Variants in ALOX15B observed in about 807,000 individuals in gnomAD.
The protein encoded by ALOX15B is polyunsaturated fatty acid lipoxygenase ALOX15B.
In ALOX15B, 74 loss-of-function variants were observed where a neutral mutation model predicts 73.8. The ratio of observed to expected loss-of-function variants is 1.00; its 90% confidence interval spans 0.83 to 1.22. The LOEUF is 1.22. Among genes scored for constraint, ALOX15B ranks in the 50% most tolerant of loss-of-function variants. The pLI is 0.00. For missense variants in ALOX15B, 896 were observed against 859.9 expected, an observed-to-expected ratio of 1.04 and a Z score of -0.52; for synonymous variants, 353 against 357.2, an observed-to-expected ratio of 0.99 and a Z score of 0.13.
In ALOX15B at chr17:8,045,614, C is replaced by T. The variant is rs573725507; in HGVS notation, c.1128C>T (p.His376=). 14 of 1,614,234 alleles carry T rather than the reference C, an allele frequency of 8.7e-6. No individual in the cohort carries two copies. Among genetic ancestry groups the T allele is most frequent in the African/African-American group, 1.3e-5 (1 of 75,056 alleles). Residue 376 remains histidine, a synonymous_variant, in exon 8 of 14, where the codon CAC becomes CAT. Coordinates refer to ENST00000380183, the MANE Select transcript of ALOX15B (RefSeq NM_001141.3). ...SFHEALTHLL[H]SHLLPEVFTL... The stretch of plus-strand genomic sequence containing the variant: ...ATGAGGCCCTCACGCACCTGCTGCA[C>T]TCACATCTGCTGCCTGAGGTCTTCA...
At position 8,039,592 on chromosome 17, in the gene ALOX15B, G is replaced by C. The variant is rs1266756171; in HGVS notation, c.354G>C (p.Leu118=). The C allele has an allele frequency of 1.3e-6, 2 of 1,517,976 alleles. No homozygotes were observed. Among genetic ancestry groups the C allele is most frequent in the African/African-American group, 2.8e-5 (2 of 72,462 alleles). 94.0% of individuals were successfully genotyped at this position (1,517,976 alleles called of 1,614,324 possible). Residue 118 remains leucine (L), a synonymous_variant, in exon 2 of 14, where the codon CTG becomes CTC. Transcript: ENST00000380183. ...QWLEGAGTLV[L]QEGTAKVSWA... ...TGGAGGGGGCGGGGACCCTGGTGCT[G>C]CAGGAGGGTACAGGTGAGGGGCGGG...
intron 6 of ALOX15B, 70 bp downstream of exon 6, chr17:8,045,071 G>T: frequency 6.3e-7 from 1 of 1,595,750 alleles, no homozygotes; most frequent in South Asian, 1.1e-5. Context: ...CCCTACTGGA[G>T]ACAGAGGGGC....
intron 3 of ALOX15B, 126 bp downstream of exon 3, chr17:8,040,109 C>G: frequency 1.2e-6 from 1 of 861,370 alleles, no homozygotes; most frequent in Non-Finnish European, 1.8e-6. Context: ...CTCCTGGGAT[C>G]AGCAGCGTCT....
rs755171197 is a variant in ALOX15B, at chr17:8,046,793, C to G, written c.1287+39C>G. 1.1e-5 allele frequency: 18 copies of G among 1,612,684 alleles called. No individual in the cohort carries two copies. The East Asian group carries it at 4.0e-4, about 36-fold the overall frequency. ...TGGGGAGGGAGTAGGCAGGCCACTC[C>G]TTCAATGTGACGAATTTGAGGTCCT... On this transcript the variant is annotated intron_variant, in intron 9 of 13. Transcript: ENST00000380183.
At position 8,039,620 on chromosome 17, in the gene ALOX15B, G is replaced by T. The variant is rs1230346569; in HGVS notation, c.367+15G>T. On this transcript the variant is annotated intron_variant, in intron 2 of 13. Coordinates refer to ENST00000380183, the MANE Select transcript of ALOX15B (RefSeq NM_001141.3). Reference sequence around the variant, plus strand: ...GGAGGGTACAGGTGAGGGGCGGGCCGGGCTGGGGCTGCAGGGGGAGCACAG... The same window carrying T: ...GGAGGGTACAGGTGAGGGGCGGGCCTGGCTGGGGCTGCAGGGGGAGCACAG... 3 of 1,177,678 alleles carry T rather than the reference G, an allele frequency of 2.5e-6. No individual in the cohort carries two copies. The highest frequency in any genetic ancestry group is 5.2e-5 in the East Asian group (2 of 38,518). 73.0% of individuals were successfully genotyped at this position (1,177,678 alleles called of 1,614,324 possible).
At position 8,047,929 on chromosome 17, in the gene ALOX15B, T is replaced by G; in HGVS notation, c.1851+14T>G. The stretch of plus-strand genomic sequence containing the variant: ...CCTGGAGACCAAGTGAGTGTGGGGC[T>G]GGGGGCCAGGCTGGGCCAAATTGGG... On this transcript the variant is annotated intron_variant, in intron 13 of 13. Coordinates refer to ENST00000380183, the MANE Select transcript of ALOX15B (RefSeq NM_001141.3). The G allele has an allele frequency of 6.2e-7, 1 of 1,613,212 alleles. No homozygotes were observed. Among genetic ancestry groups the G allele is most frequent in the Non-Finnish European group, 8.5e-7 (1 of 1,179,534 alleles).
chr17:8,039,767 CAGCCTGGTGT>C lies in ALOX15B; in HGVS notation c.368-132_368-123del. The C allele has an allele frequency of 2.5e-6, 3 of 1,187,402 alleles. No homozygotes were observed. The Admixed American group carries it at 7.3e-5, about 29-fold the overall frequency. 73.6% of individuals were successfully genotyped at this position (1,187,402 alleles called of 1,614,324 possible). ...CGGAGCCTTGGGGAGCGGGAGGTAGCAGCCTGGTGTAGGAGAAACTGTACTTATGGGAGGA... is the reference window on the plus strand; with the variant it reads ...CGGAGCCTTGGGGAGCGGGAGGTAGCAGGAGAAACTGTACTTATGGGAGGA... On this transcript the variant is annotated intron_variant, in intron 2 of 13. Transcript: ENST00000380183.
rs1437940320 is a variant in ALOX15B, at chr17:8,042,416, C to G, written c.497C>G (p.Thr166Arg). The change falls in exon 4 of 14, where the codon ACA becomes AGA. Residue 166 changes from threonine to arginine, a missense_variant. Physicochemically the swap from Thr to Arg is moderately conservative, Grantham distance 71. Transcript: ENST00000380183. The part of the protein sequence containing the change: ...PGWPHCLDEK[T>R]VEDLELNIKY... ...TGGCCTCACTGCCTGGATGAAAAGA[C>G]AGTGGAAGACTTGGAGCTCAATATC... 1 of 1,614,144 alleles carries G rather than the reference C, an allele frequency of 6.2e-7. No individual in the cohort carries two copies. The highest frequency in any genetic ancestry group is 8.5e-7 in the Non-Finnish European group (1 of 1,180,030).
Position 8,048,005 on chromosome 17 carries a change from T to G in ALOX15B, c.1851+90T>G, listed in dbSNP as rs190362545. 1.6e-5 allele frequency: 23 copies of G among 1,447,122 alleles called. No individual in the cohort carries two copies. In the African/African-American group the frequency reaches 3.0e-4, roughly 19 times the overall value. The allele number at this position is 1,447,122 out of a possible 1,614,324, so 89.6% of individuals were successfully genotyped here. ...TGCTGGCCCAGACCCAACCCTGCCA[T>G]CAGGTAGCGGGTCCCTTTGCCCCAC... On this transcript the variant is annotated intron_variant, in intron 13 of 13. Transcript: ENST00000380183.
chr17:8,048,650 G>T lies in ALOX15B; in HGVS notation c.*85G>T. On this transcript the variant is annotated 3_prime_UTR_variant, in exon 14 of 14. Transcript: ENST00000380183. The stretch of plus-strand genomic sequence containing the variant: ...GGCACCCAGAGAAAAGGACTCCTCA[G>T]AAAAAACAGGCCCCCATGTGCCTCT... The T allele has an allele frequency of 6.8e-7, 1 of 1,465,088 alleles. No individual in the cohort carries two copies. Among genetic ancestry groups the T allele is most frequent in the Non-Finnish European group, 9.2e-7 (1 of 1,092,852 alleles). The allele number at this position is 1,465,088 out of a possible 1,614,324, so 90.8% of individuals were successfully genotyped here.
intron 5 of ALOX15B, among the ~76,000 whole-genome samples, chr17:8,043,130 A>G (rs530561508): frequency 1.3e-5 from 2 of 152,190 alleles, no homozygotes; most frequent in African/African-American, 4.8e-5. Flanking sequence ...TAGGGGCTAC[A>G]TGGTTCTTCA....
At chr17:8,045,144 C>G (rs984557712) in intron 6 of ALOX15B, 94 bp from the exon 7 acceptor site, 2 of 1,597,752 alleles carry the variant, frequency 1.3e-6, no homozygotes, top group Non-Finnish European at 1.7e-6. Context: ...CCGAAACACA[C>G]TCCTCTCCCA....
intron 8 of ALOX15B, among the ~76,000 whole-genome samples, 191 bp downstream of exon 8, chr17:8,045,877 C>T (rs1976595406): frequency 6.6e-6 from 1 of 152,150 alleles, no homozygotes; most frequent in East Asian, 1.9e-4. Context: ...ATGCAGCACC[C>T]CAGAAAGGCT....
chr17:8,048,684 A>C lies in ALOX15B; in HGVS notation c.*119A>C. The stretch of plus-strand genomic sequence containing the variant: ...GGCCCCCATGTGCCTCTCCTGGGAC[A>C]ACCAGACTCTGTAACTCACCCCCAC... On this transcript the variant is annotated 3_prime_UTR_variant, in exon 14 of 14. Transcript: ENST00000380183. 1 of 1,142,354 alleles carries C rather than the reference A, an allele frequency of 8.8e-7. No individual in the cohort carries two copies. Among genetic ancestry groups the C allele is most frequent in the Non-Finnish European group, 1.2e-6 (1 of 823,818 alleles). The allele number at this position is 1,142,354 out of a possible 1,614,324, so 70.8% of individuals were successfully genotyped here.
At chr17:8,040,647 GAAAGA>G (rs199788039) in intron 3 of ALOX15B, among the ~76,000 whole-genome samples, 8,067 of 122,186 alleles carry the variant, frequency 0.066, 285 homozygotes, top group Non-Finnish European at 0.09. Context: ...AAGAAAGAAA[GAAAGA>G]AAAGAAAGAG....
rs780402637 is a variant in ALOX15B, at chr17:8,045,255, G to A, written c.867G>A (p.Leu289=). The part of the protein sequence containing the change: ...QAELEKGSLF[L]VDHGILSGIQ... ...TTCTGCAGAAGGGCTCCCTGTTCTT[G>A]GTGGATCACGGCATCCTCTCTGGCA... The change falls in exon 7 of 14, where the codon TTG becomes TTA. Residue 289 remains leucine, a synonymous_variant. Transcript: ENST00000380183. The A allele has an allele frequency of 1.2e-6, 2 of 1,614,002 alleles. No individual in the cohort carries two copies. Among genetic ancestry groups the A allele is most frequent in the South Asian group, 2.2e-5 (2 of 91,082 alleles).
chr17:8,042,722 A>G (rs1976494791), intron 4 of ALOX15B, 59 bp from the exon 5 acceptor site: 8 of 1,477,742 alleles, frequency 5.4e-6, no homozygotes, highest in Non-Finnish European at 7.4e-6. Context: ...AGGCTGGCTG[A>G]CAGGGAAGGG....
rs1056764301 is a variant in ALOX15B at position 8,048,805 on chromosome 17, T to C, written c.*240T>C. On this transcript the variant is annotated 3_prime_UTR_variant, in exon 14 of 14. Transcript: ENST00000380183. Reference sequence around the variant, plus strand: ...TCTCAGGACAGAACCACTGAGTCTTTTGGAGGCTCCAAGCCTCAAAGTGCC... The same window carrying C: ...TCTCAGGACAGAACCACTGAGTCTTCTGGAGGCTCCAAGCCTCAAAGTGCC... 48 of 438,128 alleles carry C rather than the reference T, an allele frequency of 1.1e-4. No homozygotes were observed. The highest frequency in any genetic ancestry group is 9.0e-4 in the African/African-American group (45 of 50,014). The allele number at this position is 438,128 out of a possible 1,614,324, so 27.1% of individuals were successfully genotyped here. A position where few individuals can be genotyped will look rare whatever the true frequency, so the allele number is the denominator to read the frequency against.
chr17:8,047,696 C>A, intron 12 of ALOX15B, 32 bp downstream of exon 12: 1 of 1,613,762 alleles, frequency 6.2e-7, no homozygotes, highest in Non-Finnish European at 8.5e-7. Context: ...AGGTGGCAGG[C>A]TGGAGGTGAC....
Sources: allele counts gnomAD v4.1 joint callset (sites outside exome capture counted in the v4.1 genomes callset), GRCh38; gene constraint gnomAD v4.1.1; transcripts MANE v1.5; gene names NCBI Gene and HGNC (gene_info 2026-07-23, HGNC 2026-07-21).